DLG1: variants seen among roughly 807,000 people sequenced by gnomAD.
The protein encoded by DLG1 is disks large homolog 1.
Under a neutral mutation model 123.4 loss-of-function variants are expected in DLG1, and 42 were observed. The ratio of observed to expected loss-of-function variants is 0.34; its 90% CI spans 0.27 to 0.44. The LOEUF (loss-of-function observed/expected upper bound fraction) is 0.44. Among genes scored for constraint, DLG1 ranks in the 20% least tolerant of loss-of-function variants. The pLI is 1.00. For missense variants in DLG1, 942 were observed against 1,082.6 expected, an observed-to-expected ratio of 0.87 and a Z score of 1.82; for synonymous variants, 317 against 356.2, an observed-to-expected ratio of 0.89 and a Z score of 1.24.
intron 4 of DLG1, among the ~76,000 whole-genome samples, chr3:197,267,497 C>A (rs1762180772): frequency 6.6e-6 from 1 of 152,130 alleles, no homozygotes; most frequent in Non-Finnish European, 1.5e-5. Flanking sequence ...GGAGAAAGCA[C>A]TTCTTAGTAG....
At chr3:197,086,519 GTTC>G (rs1754467860) in intron 15 of DLG1, among the ~76,000 whole-genome samples, 1 of 152,048 alleles carries the variant, frequency 6.6e-6, no homozygotes, top group Admixed American at 6.5e-5. Context: ...TCATTCTTTT[GTTC>G]TAATTTGGCA....
At chr3:197,080,576 C>T (rs1750508380) in intron 17 of DLG1, 1 of 151,796 alleles carries the variant, frequency 6.6e-6, no homozygotes, top group African/African-American at 2.4e-5. Context: ...ATTCTTGTGC[C>T]TCAGCCTCCC....
At chr3:197,159,112 C>G (rs1028656192) in intron 5 of DLG1, among the ~76,000 whole-genome samples, 1 of 152,104 alleles carries the variant, frequency 6.6e-6, no homozygotes, top group Non-Finnish European at 1.5e-5. Flanking sequence ...CACCATCACA[C>G]GTAGAAACAG....
chr3:197,297,264 G>A, intron 1 of DLG1, 29 bp from the exon 2 acceptor site: 1 of 1,611,948 alleles, frequency 6.2e-7, no homozygotes, highest in East Asian at 2.2e-5. Flanking sequence ...AAAGGAAAAA[G>A]GATAGAATCA....
intron 4 of DLG1, among the ~76,000 whole-genome samples, chr3:197,204,131 C>T (rs1242803590): frequency 6.6e-6 from 1 of 152,204 alleles, no homozygotes; most frequent in Non-Finnish European, 1.5e-5. Flanking sequence ...CAGTCTGCTC[C>T]CATGTATAGG....
At chr3:197,137,945 C>A (rs1441308039) in intron 9 of DLG1, among the ~76,000 whole-genome samples, 1 of 149,240 alleles carries the variant, frequency 6.7e-6, no homozygotes, top group Non-Finnish European at 1.5e-5. Context: ...GGACTCCAGC[C>A]AGGGTGACAG....
intron 14 of DLG1, among the ~76,000 whole-genome samples, chr3:197,103,198 G>A (rs1764483334): frequency 6.6e-6 from 1 of 152,026 alleles, no homozygotes; most frequent in Non-Finnish European, 1.5e-5. Flanking sequence ...CCTCTACTTG[G>A]TTGTCCAGGT....
At chr3:197,172,766 G>C (rs975701746) in intron 5 of DLG1, among the ~76,000 whole-genome samples, 1 of 152,180 alleles carries the variant, frequency 6.6e-6, no homozygotes, top group East Asian at 1.9e-4. Context: ...CCTTAGAACA[G>C]AAGTTTCAAA....
chr3:197,280,646 C>G (rs1768856592), intron 4 of DLG1, among the ~76,000 whole-genome samples: 1 of 152,096 alleles, frequency 6.6e-6, no homozygotes, highest in African/African-American at 2.4e-5. Flanking sequence ...ATTACTTAAA[C>G]AATCGCCTAT....
Position 197,085,612 on chromosome 3 carries a change from G to C in DLG1, c.1806C>G (p.Ser602Arg), listed in dbSNP as rs957670885. The change falls in exon 16 of 25, where the codon AGC (serine) becomes AGG (arginine). Residue 602 changes from serine (S) to arginine (R), a missense_variant. Ser to Arg is a moderately radical substitution (Grantham distance 110, BLOSUM62 -1). Coordinates refer to ENST00000667157, the MANE Select transcript of DLG1 (RefSeq NM_001366207.1). ...QARQVTPDGE[S>R]DEVGVIPSKR... ...TACTGGGAATCACTCCGACCTCATC[G>C]CTCTCACCATCTGGTGTAACCTGCC... 3 of 1,613,654 alleles carry C rather than the reference G, an allele frequency of 1.9e-6. No homozygotes were observed. Among genetic ancestry groups the C allele is most frequent in the Non-Finnish European group, 2.5e-6 (3 of 1,179,956 alleles).
At chr3:197,140,020 A>T in intron 8 of DLG1, 120 bp downstream of exon 8, 1 of 1,103,470 alleles carries the variant, frequency 9.1e-7, no homozygotes, top group Non-Finnish European at 1.3e-6. Context: ...TTGTTAAAGC[A>T]TCTACCCTAT....
At chr3:197,177,888 C>G (rs1048995364) in intron 5 of DLG1, among the ~76,000 whole-genome samples, 1 of 152,000 alleles carries the variant, frequency 6.6e-6, no homozygotes, top group Non-Finnish European at 1.5e-5. Flanking sequence ...AAGTGTGATG[C>G]GCGCTTCACA....
chr3:197,067,551 GT>G (rs199907948), intron 19 of DLG1, among the ~76,000 whole-genome samples: 78 of 107,382 alleles, frequency 7.3e-4, no homozygotes, highest in East Asian at 1.9e-3. Context: ...AACTCTGAGA[GT>G]TTTTTTTTTT....
intron 4 of DLG1, among the ~76,000 whole-genome samples, chr3:197,211,450 A>T (rs1402354256): frequency 6.8e-6 from 1 of 146,694 alleles, no homozygotes; most frequent in Admixed American, 6.8e-5. Flanking sequence ...GCCACAATCA[A>T]GTAGGCTTCA....
At chr3:197,131,304 AAAC>A (rs1782318259) in intron 10 of DLG1, among the ~76,000 whole-genome samples, 2 of 152,236 alleles carry the variant, frequency 1.3e-5, no homozygotes, top group African/African-American at 4.8e-5. Flanking sequence ...TGCCAACATT[AAAC>A]ATTATCAACT....
chr3:197,201,536 A>C (rs1725743563), intron 4 of DLG1, among the ~76,000 whole-genome samples: 1 of 152,252 alleles, frequency 6.6e-6, no homozygotes, highest in South Asian at 2.1e-4. Context: ...CCAAACACCC[A>C]ATCAAGAAGG....
intron 3 of DLG1, among the ~76,000 whole-genome samples, chr3:197,286,578 C>T (rs555165920): frequency 4.6e-5 from 7 of 152,160 alleles, no homozygotes; most frequent in Admixed American, 1.3e-4. Flanking sequence ...GGGACCCCTG[C>T]TGTACAATAC....
At chr3:197,075,459 C>CA (rs974780950) in intron 18 of DLG1, among the ~76,000 whole-genome samples, 2 of 148,588 alleles carry the variant, frequency 1.3e-5, no homozygotes, top group South Asian at 2.1e-4. Context: ...ATTATTTTAA[C>CA]AAAAAAAAGG....
intron 4 of DLG1, among the ~76,000 whole-genome samples, chr3:197,277,426 C>CGAAG (rs1767010110): frequency 6.6e-6 from 1 of 151,994 alleles, no homozygotes. Context: ...TGGCAACCTC[C>CGAAG]GCTTCCTAGG....
Sources: allele counts gnomAD v4.1 joint callset (sites outside exome capture counted in the v4.1 genomes callset), GRCh38; gene constraint gnomAD v4.1.1; transcripts MANE v1.5; gene names NCBI Gene and HGNC (gene_info 2026-07-23, HGNC 2026-07-21).